ATRNL1: variants seen among roughly 807,000 people sequenced by gnomAD.
ATRNL1 encodes attractin like 1, also known as attractin-like protein 1.
In ATRNL1, 95 loss-of-function variants were observed where a neutral mutation model predicts 182.7. The observed-to-expected ratio is 0.52, with a 90% CI of 0.44 to 0.62. The LOEUF is 0.62. Among genes scored for constraint, ATRNL1 ranks in the 20% least tolerant of loss-of-function variants. The pLI is 0.00. For synonymous variants in ATRNL1, 576 were observed against 568.3 expected (o/e 1.01, Z -0.19); for missense variants, 1,471 against 1,679.5 (o/e 0.88, Z 2.17).
intron 26 of ATRNL1, among the ~76,000 whole-genome samples, chr10:115,680,221 A>G (rs1946004265): frequency 6.6e-6 from 1 of 152,114 alleles, no homozygotes; most frequent in African/African-American, 2.4e-5. Flanking sequence ...ATGGCTTTAT[A>G]TGAAAAGTGT....
chr10:115,407,176 A>AGT (rs1362630582), intron 20 of ATRNL1, among the ~76,000 whole-genome samples: 3 of 152,190 alleles, frequency 2.0e-5, no homozygotes, highest in African/African-American at 7.2e-5. Context: ...CAGTACATGC[A>AGT]GTGCATAATG....
chr10:115,859,611 T>TG (rs1238909797), intron 28 of ATRNL1, among the ~76,000 whole-genome samples: 1 of 152,090 alleles, frequency 6.6e-6, no homozygotes, highest in Non-Finnish European at 1.5e-5. Flanking sequence ...AACATTTTTC[T>TG]GGGGGTCACC....
chr10:115,726,177 A>G (rs1352423726), intron 26 of ATRNL1, among the ~76,000 whole-genome samples: 1 of 152,114 alleles, frequency 6.6e-6, no homozygotes, highest in Non-Finnish European at 1.5e-5. Flanking sequence ...TTTATCATCT[A>G]CAAGGGAATT....
At chr10:115,779,899 G>A (rs1163826412) in intron 27 of ATRNL1, among the ~76,000 whole-genome samples, 1 of 152,150 alleles carries the variant, frequency 6.6e-6, no homozygotes, top group Non-Finnish European at 1.5e-5. Flanking sequence ...GGTTCTTTGA[G>A]AGGGGCAAAG....
intron 28 of ATRNL1, among the ~76,000 whole-genome samples, chr10:115,849,634 A>G (rs1398690797): frequency 6.6e-6 from 1 of 152,136 alleles, no homozygotes; most frequent in Non-Finnish European, 1.5e-5. Flanking sequence ...TCTTTCTAAA[A>G]TGTTTTTTCT....
At chr10:115,325,016 T>C (rs191822961) in intron 18 of ATRNL1, among the ~76,000 whole-genome samples, 1 of 152,332 alleles carries the variant, frequency 6.6e-6, no homozygotes, top group East Asian at 1.9e-4. Flanking sequence ...TTTCTGTGTA[T>C]ATTTTTAAAA....
intron 14 of ATRNL1, among the ~76,000 whole-genome samples, chr10:115,285,809 T>C (rs1379568573): frequency 6.6e-6 from 1 of 152,106 alleles, no homozygotes. Context: ...GCTTCACTTA[T>C]AGGAGTAACT....
intron 24 of ATRNL1, among the ~76,000 whole-genome samples, chr10:115,503,227 A>G (rs991520039): frequency 5.6e-4 from 85 of 152,320 alleles, no homozygotes; most frequent in African/African-American, 2.0e-3. Context: ...CCAAAACTTA[A>G]TAATAATGGC....
chr10:115,461,199 A>G (rs1847779947), intron 21 of ATRNL1, among the ~76,000 whole-genome samples: 1 of 152,136 alleles, frequency 6.6e-6, no homozygotes, highest in African/African-American at 2.4e-5. Context: ...TATTTAAAAT[A>G]ATTGGAAATA....
At chr10:115,846,130 A>G (rs1367584917) in intron 27 of ATRNL1, among the ~76,000 whole-genome samples, 1 of 152,096 alleles carries the variant, frequency 6.6e-6, no homozygotes, top group Non-Finnish European at 1.5e-5. Flanking sequence ...ACCATAGATC[A>G]TGTAACTTGA....
intron 27 of ATRNL1, among the ~76,000 whole-genome samples, chr10:115,839,103 CAGTT>C (rs1266456282): frequency 1.3e-4 from 20 of 152,252 alleles, no homozygotes; most frequent in African/African-American, 4.6e-4. Flanking sequence ...TTTCTGCTGA[CAGTT>C]AGTTTTCACA....
At chr10:115,565,021 T>G (rs1241256272) in intron 26 of ATRNL1, among the ~76,000 whole-genome samples, 1 of 152,056 alleles carries the variant, frequency 6.6e-6, no homozygotes, top group Non-Finnish European at 1.5e-5. Context: ...TCTTTATTTC[T>G]CTTTACTATT....
chr10:115,828,628 T>A (rs1242243769), intron 27 of ATRNL1, among the ~76,000 whole-genome samples: 1 of 152,194 alleles, frequency 6.6e-6, no homozygotes, highest in Non-Finnish European at 1.5e-5. Flanking sequence ...TTAATTAATG[T>A]TTTACATTCA....
intron 5 of ATRNL1, among the ~76,000 whole-genome samples, chr10:115,150,180 CA>C (rs1379950946): frequency 3.3e-5 from 5 of 151,868 alleles, no homozygotes; most frequent in Admixed American, 2.6e-4. Flanking sequence ...TCTGTGATAT[CA>C]GTTGTAACGT....
intron 25 of ATRNL1, among the ~76,000 whole-genome samples, chr10:115,523,027 C>T (rs927320626): frequency 6.6e-6 from 1 of 152,206 alleles, no homozygotes; most frequent in Non-Finnish European, 1.5e-5. Context: ...TCAGCATTGC[C>T]TCACTAGCAT....
At chr10:115,385,998 T>C (rs143698537) in intron 19 of ATRNL1, among the ~76,000 whole-genome samples, 205 of 152,298 alleles carry the variant, frequency 1.3e-3, no homozygotes, top group African/African-American at 4.8e-3. Context: ...GTCTTTTAAG[T>C]CTTCTGTCTT....
At chr10:115,456,481 T>C (rs1248256516) in intron 21 of ATRNL1, among the ~76,000 whole-genome samples, 3 of 152,044 alleles carry the variant, frequency 2.0e-5, no homozygotes, top group African/African-American at 7.2e-5. Flanking sequence ...CCAGGGCCTG[T>C]CATGGGGTGA....
intron 20 of ATRNL1, among the ~76,000 whole-genome samples, chr10:115,404,573 T>C (rs1554957762): frequency 1.3e-5 from 2 of 152,200 alleles, no homozygotes; most frequent in South Asian, 2.1e-4. Context: ...AAACTTATTG[T>C]ATAGAACTGC....
chr10:115,558,297 C>T (rs1373936278), intron 26 of ATRNL1, among the ~76,000 whole-genome samples: 3 of 152,042 alleles, frequency 2.0e-5, no homozygotes, highest in Non-Finnish European at 4.4e-5. Context: ...TGGGAGGAGG[C>T]CTGAGCAAGC....
Sources: gnomAD v4.1 joint callset for allele counts (sites outside exome capture counted in the v4.1 genomes callset) on GRCh38, gnomAD v4.1.1 for gene constraint, MANE v1.5 for transcripts, NCBI Gene and HGNC (gene_info 2026-07-23, HGNC 2026-07-21) for gene names.